Variants in ADCY7 observed in about 807,000 individuals in gnomAD.
ADCY7 encodes adenylate cyclase 7.
In ADCY7, 72 loss-of-function variants were observed where a neutral mutation model predicts 120.6. That is an observed-to-expected ratio of 0.60 (90% confidence interval 0.49 to 0.73). ADCY7 has a LOEUF of 0.73. Ranked by LOEUF, ADCY7 falls within the 30% of genes least tolerant of loss-of-function variation. The pLI is 0.00. For synonymous variants in ADCY7, 661 were observed against 628.0 expected (o/e 1.05, Z -0.78); for missense variants, 1,227 against 1,486.0 (o/e 0.83, Z 2.87).
At chr16:50,303,710 C>G (rs1344500272) in intron 10 of ADCY7, among the ~76,000 whole-genome samples, 3 of 152,116 alleles carry the variant, frequency 2.0e-5, no homozygotes, top group African/African-American at 4.8e-5. Flanking sequence ...GGCTGGGTCT[C>G]GCAGGCACGT....
chr16:50,280,467 T>G (rs1430297014), intron 1 of ADCY7, among the ~76,000 whole-genome samples: 2 of 152,178 alleles, frequency 1.3e-5, no homozygotes, highest in Non-Finnish European at 2.9e-5. Flanking sequence ...TTTTGTCATT[T>G]CTTGTCTTCT....
At chr16:50,296,205 AC>A (rs2035338423) in intron 7 of ADCY7, among the ~76,000 whole-genome samples, 2 of 152,034 alleles carry the variant, frequency 1.3e-5, no homozygotes, top group African/African-American at 2.4e-5. Flanking sequence ...GGTGTGCACC[AC>A]AACCCCAGGC....
intron 23 of ADCY7, 71 bp downstream of exon 23, chr16:50,314,133 G>A: frequency 6.6e-7 from 1 of 1,504,158 alleles, no homozygotes; most frequent in Non-Finnish European, 9.2e-7. Context: ...CTTACTTAAA[G>A]GGTGTGCCCT....
At position 50,310,684 on chromosome 16, in the gene ADCY7, C is replaced by T. The variant is rs2036400575; in HGVS notation, c.2161-3C>T. 7 of 1,613,274 alleles carry T rather than the reference C, an allele frequency of 4.3e-6. No individual in the cohort carries two copies. In the Admixed American group the frequency reaches 1.0e-4, roughly 23 times the overall value. On this transcript the variant is annotated splice_region_variant and splice_polypyrimidine_tract_variant and intron_variant, in intron 18 of 25. Coordinates refer to ENST00000673801, the MANE Select transcript of ADCY7 (RefSeq NM_001114.5). ...TGTCCTGAGTGACACCCTGCCCCCT[C>T]AGTACTACACCTGCAGCTGTGTCCT... is the stretch of plus-strand genomic sequence containing the variant.
chr16:50,283,903 G>GC (rs1050308073), intron 1 of ADCY7, among the ~76,000 whole-genome samples: 22 of 152,232 alleles, frequency 1.4e-4, no homozygotes, highest in Admixed American at 7.8e-4. Context: ...GAGGTGGTGA[G>GC]CCCCCCCGTC....
intron 1 of ADCY7, among the ~76,000 whole-genome samples, chr16:50,269,807 C>T (rs1384515672): frequency 2.6e-5 from 4 of 152,116 alleles, no homozygotes; most frequent in Admixed American, 2.0e-4. Context: ...TTTGAGGGAG[C>T]ATGCAGAGTG....
At position 50,318,087 on chromosome 16, in the gene ADCY7, G is replaced by GTGTT. The variant is rs1430892965; in HGVS notation, c.*2584_*2587dup. 2 of 152,218 alleles carry GTGTT rather than the reference G, an allele frequency of 1.3e-5. No homozygotes were observed. The highest frequency in any genetic ancestry group is 2.1e-4 in the South Asian group (1 of 4,830). 9.4% of individuals were successfully genotyped at this position (152,218 alleles called of 1,614,324 possible). ...GCTGTTTCATTTTTATAAAGTACCA[G>GTGTT]TGTTTAGCTGCTTTTTATACATTAA... On this transcript the variant is annotated 3_prime_UTR_variant, in exon 26 of 26. Transcript: ENST00000673801.
intron 7 of ADCY7, among the ~76,000 whole-genome samples, chr16:50,296,706 C>CT (rs1567561484): frequency 6.6e-6 from 1 of 152,088 alleles, no homozygotes; most frequent in Non-Finnish European, 1.5e-5. Flanking sequence ...AATCAATGGT[C>CT]TAGAACTTGA....
At chr16:50,246,881 G>A (rs534541256) in intron 1 of ADCY7, among the ~76,000 whole-genome samples, 1 of 152,264 alleles carries the variant, frequency 6.6e-6, no homozygotes, top group East Asian at 1.9e-4. Flanking sequence ...TATGTCTCAG[G>A]TCCCCTCCCT....
chr16:50,286,225 T>C (rs1465598273), intron 1 of ADCY7, among the ~76,000 whole-genome samples: 1 of 151,082 alleles, frequency 6.6e-6, no homozygotes, highest in Non-Finnish European at 1.5e-5. Flanking sequence ...AAACCCCATC[T>C]CTACAAAAAA....
At chr16:50,283,651 TG>T (rs2034412769) in intron 1 of ADCY7, among the ~76,000 whole-genome samples, 1 of 152,152 alleles carries the variant, frequency 6.6e-6, no homozygotes, top group Admixed American at 6.5e-5. Flanking sequence ...TTCTTTAAAA[TG>T]GGGCTGCTCA....
chr16:50,313,854 G>A (rs1567585077), intron 22 of ADCY7, 104 bp from the exon 23 acceptor site: 17 of 862,158 alleles, frequency 2.0e-5, no homozygotes, highest in Non-Finnish European at 2.8e-5. Flanking sequence ...TGTGCGAGAG[G>A]CGGCGATGGG....
intron 1 of ADCY7, among the ~76,000 whole-genome samples, chr16:50,284,026 C>G (rs1296825826): frequency 6.6e-6 from 1 of 152,142 alleles, no homozygotes; most frequent in Non-Finnish European, 1.5e-5. Flanking sequence ...GGAGGCCCTC[C>G]CTGTTGCCAA....
Position 50,309,561 on chromosome 16 carries a change from T to TA in ADCY7, c.2075_2076insA (p.Phe692LeufsTer11). ...TCTCCTCTACAGCCCCTGATGCCTTTCCAAGTTCCAGAGCTGCCTGTTGGC... is the reference window on the plus strand; with the variant it reads ...TCTCCTCTACAGCCCCTGATGCCTTTACCAAGTTCCAGAGCTGCCTGTTGGC... On this transcript the variant is annotated frameshift_variant, in exon 18 of 26. Transcript: ENST00000673801. LOFTEE classifies it high-confidence loss of function. 6.2e-7 allele frequency: 1 copy of TA among 1,613,934 alleles called. No individual in the cohort carries two copies. The highest frequency in any genetic ancestry group is 8.5e-7 in the Non-Finnish European group (1 of 1,179,954).
intron 15 of ADCY7, among the ~76,000 whole-genome samples, chr16:50,307,476 C>T (rs1446825385): frequency 6.6e-6 from 1 of 152,136 alleles, no homozygotes; most frequent in African/African-American, 2.4e-5. Flanking sequence ...CTGTAGGCGC[C>T]ATCCTTTTTC....
intron 19 of ADCY7, 29 bp from the exon 20 acceptor site, chr16:50,311,664 G>A (rs1478729481): frequency 1.3e-6 from 2 of 1,530,628 alleles, no homozygotes; most frequent in East Asian, 4.5e-5. Flanking sequence ...TGAGTGCTGG[G>A]AGTGACTTGG....
At chr16:50,308,276 G>A in intron 15 of ADCY7, 51 bp from the exon 16 acceptor site, 1 of 1,614,044 alleles carries the variant, frequency 6.2e-7, no homozygotes, top group South Asian at 1.1e-5. Flanking sequence ...GGGGGCGGTG[G>A]TCCTGGGCAG....
chr16:50,308,589 C>T (rs1255871387), intron 16 of ADCY7, 78 bp from the exon 17 acceptor site: 1 of 1,559,054 alleles, frequency 6.4e-7, no homozygotes, highest in African/African-American at 1.4e-5. Flanking sequence ...CCGAGGATAC[C>T]CCTCCCCAGG....
At chr16:50,287,586 G>A (rs866498541) in intron 1 of ADCY7, among the ~76,000 whole-genome samples, 1 of 151,624 alleles carries the variant, frequency 6.6e-6, no homozygotes, top group African/African-American at 2.4e-5. Context: ...AGGCTGAGGT[G>A]GGAGAATCAC....
Sources: gnomAD v4.1 joint callset for allele counts (sites outside exome capture counted in the v4.1 genomes callset) on GRCh38, gnomAD v4.1.1 for gene constraint, MANE v1.5 for transcripts, NCBI Gene and HGNC (gene_info 2026-07-23, HGNC 2026-07-21) for gene names.